The following SIRPG variants were observed in gnomAD, a reference collection of about 807,000 sequenced individuals.
SIRPG encodes signal-regulatory protein gamma.
A neutral mutation model predicts 35.7 loss-of-function variants in SIRPG; 38 were observed. The observed-to-expected ratio is 1.06, with a 90% CI of 0.82 to 1.40. SIRPG has a LOEUF of 1.40. Ranked by LOEUF, SIRPG falls within the 40% of genes most tolerant of loss-of-function variation. The pLI is 0.00. For missense variants in SIRPG, 519 were observed against 483.0 expected (o/e 1.07, Z -0.70); for synonymous variants, 215 against 190.4 (o/e 1.13, Z -1.06).
chr20:1,672,095 C>T, the SIRPG span, among the ~76,000 whole-genome samples: 3 of 152,174 alleles, frequency 2.0e-5, no homozygotes, highest in African/African-American at 4.8e-5. Flanking sequence ...AGAGCTGGAA[C>T]CAGGCCGCTC....
At chr20:1,649,659 G>A (rs1052577290) in intron 1 of SIRPG, among the ~76,000 whole-genome samples, 3 of 122,950 alleles carry the variant, frequency 2.4e-5, no homozygotes, top group African/African-American at 1.0e-4. Flanking sequence ...TTTTTTGAGA[G>A]AGGGTCCTGT....
At chr20:1,645,220 C>T (rs2091889246) in intron 2 of SIRPG, among the ~76,000 whole-genome samples, 1 of 152,148 alleles carries the variant, frequency 6.6e-6, no homozygotes, top group Admixed American at 6.5e-5. Context: ...TGAGCTGTTT[C>T]CACCACATTT....
At chr20:1,666,082 T>C in the SIRPG span, among the ~76,000 whole-genome samples, 1 of 151,094 alleles carries the variant, frequency 6.6e-6, no homozygotes, top group Admixed American at 6.6e-5. Context: ...CCCAGGCTAA[T>C]GTGCGTGGGA....
At chr20:1,683,324 T>G in the SIRPG span, among the ~76,000 whole-genome samples, 27 of 152,204 alleles carry the variant, frequency 1.8e-4, no homozygotes, top group Admixed American at 1.6e-3. Flanking sequence ...CAGCCATTAT[T>G]GAAAACAGTA....
intron 1 of SIRPG, among the ~76,000 whole-genome samples, chr20:1,653,998 G>C (rs1212875597): frequency 1.3e-5 from 2 of 152,172 alleles, no homozygotes; most frequent in Admixed American, 1.3e-4. Flanking sequence ...CCAGCACTTT[G>C]GGAGGCCGAA....
intron 4 of SIRPG, among the ~76,000 whole-genome samples, chr20:1,631,226 C>G (rs958643389): frequency 6.6e-6 from 1 of 152,160 alleles, no homozygotes; most frequent in Non-Finnish European, 1.5e-5. Context: ...ATGGAGAACT[C>G]AGCATCTGTG....
intron 1 of SIRPG, among the ~76,000 whole-genome samples, chr20:1,650,395 T>A (rs1341688334): frequency 6.6e-6 from 1 of 151,636 alleles, no homozygotes; most frequent in Non-Finnish European, 1.5e-5. Context: ...AACAAGAACA[T>A]CCAGAATGAG....
At chr20:1,634,892 A>C (rs2091781572) in intron 4 of SIRPG, among the ~76,000 whole-genome samples, 1 of 151,382 alleles carries the variant, frequency 6.6e-6, no homozygotes, top group East Asian at 2.0e-4. Context: ...AAATACAAAA[A>C]ATTAGTCGGG....
chr20:1,682,479 A>AAACTG, the SIRPG span, among the ~76,000 whole-genome samples: 1 of 152,204 alleles, frequency 6.6e-6, no homozygotes. Context: ...TAAGTGATAA[A>AAACTG]AACTGTCAAT....
At chr20:1,648,179 A>G (rs2091911030) in intron 2 of SIRPG, 2 of 152,190 alleles carry the variant, frequency 1.3e-5, no homozygotes, top group African/African-American at 4.8e-5. Context: ...GAAACCCCAA[A>G]TAAGTTTTAT....
At chr20:1,666,194 AT>A in the SIRPG span, among the ~76,000 whole-genome samples, 1 of 152,028 alleles carries the variant, frequency 6.6e-6, no homozygotes, top group Non-Finnish European at 1.5e-5. Flanking sequence ...AGAGAAAAAA[AT>A]TTTTGTACAG....
At chr20:1,636,101 A>G in intron 3 of SIRPG, 87 bp downstream of exon 3, 1 of 1,583,574 alleles carries the variant, frequency 6.3e-7, no homozygotes, top group East Asian at 2.2e-5. Context: ...ATTACAGGCC[A>G]TTCAACCTCT....
chr20:1,631,555 T>A (rs1455691610), intron 4 of SIRPG, among the ~76,000 whole-genome samples: 1 of 152,194 alleles, frequency 6.6e-6, no homozygotes, highest in East Asian at 1.9e-4. Flanking sequence ...CTACAGCTCT[T>A]CAGGATGCTT....
intron 1 of SIRPG, among the ~76,000 whole-genome samples, chr20:1,655,298 T>C (rs935629804): frequency 1.3e-5 from 2 of 152,130 alleles, no homozygotes; most frequent in Non-Finnish European, 2.9e-5. Flanking sequence ...AGCAGATAAA[T>C]GGAGAAAGAA....
At chr20:1,652,206 A>G (rs1373902235) in intron 1 of SIRPG, among the ~76,000 whole-genome samples, 1 of 152,196 alleles carries the variant, frequency 6.6e-6, no homozygotes, top group African/African-American at 2.4e-5. Context: ...CATTCTAACA[A>G]AAAATGACTG....
the SIRPG span, among the ~76,000 whole-genome samples, chr20:1,678,029 A>T: frequency 6.6e-6 from 1 of 152,316 alleles, no homozygotes; most frequent in South Asian, 2.1e-4. Context: ...GGAAAGCATC[A>T]TGTGGTACAC....
chr20:1,671,490 C>A, the SIRPG span, among the ~76,000 whole-genome samples: 1 of 152,144 alleles, frequency 6.6e-6, no homozygotes, highest in African/African-American at 2.4e-5. Flanking sequence ...TAGCCTGCCT[C>A]CCCTGGAGAG....
At chr20:1,654,919 CG>C (rs1568739966) in intron 1 of SIRPG, among the ~76,000 whole-genome samples, 1 of 151,892 alleles carries the variant, frequency 6.6e-6, no homozygotes, top group African/African-American at 2.4e-5. Flanking sequence ...GGCAAGTCAG[CG>C]TATAAAAAAA....
chr20:1,649,252 A>T lies in SIRPG; in HGVS notation c.230T>A (p.Ile77Asn). Residue 77 changes from isoleucine to asparagine, a missense_variant, in exon 2 of 6, where the codon ATC becomes AAC. Ile to Asn is a moderately radical substitution (Grantham distance 149, BLOSUM62 -3). Coordinates refer to ENST00000303415, the MANE Select transcript of SIRPG (RefSeq NM_018556.4). Reference protein sequence around the residue: ...FRGVGPGRELIYNQKEGHFPR... With the variant: ...FRGVGPGRELNYNQKEGHFPR... ...GAAGTGGCCTTCTTTTTGATTGTAG[A>T]TTAATTCCCGGCCTGGTCCAACTCC... The T allele has an allele frequency of 1.2e-6, 2 of 1,614,094 alleles. No individual in the cohort carries two copies. The highest frequency in any genetic ancestry group is 8.5e-7 in the Non-Finnish European group (1 of 1,180,012).
Sources: gnomAD v4.1 joint callset for allele counts (sites outside exome capture counted in the v4.1 genomes callset) on GRCh38, gnomAD v4.1.1 for gene constraint, MANE v1.5 for transcripts, NCBI Gene and HGNC (gene_info 2026-07-23, HGNC 2026-07-21) for gene names.